The following SLC25A1 variants were observed in gnomAD, a reference collection of about 807,000 sequenced individuals.
The protein encoded by SLC25A1 is tricarboxylate transport protein, mitochondrial.
SLC25A1 carries 26 observed loss-of-function variants against 38.1 expected under a neutral mutation model. That is an observed-to-expected ratio of 0.68 (90% confidence interval 0.50 to 0.95). The LOEUF (loss-of-function observed/expected upper bound fraction) is 0.95, where lower values mean the gene tolerates loss of function less well. Among genes scored for constraint, SLC25A1 ranks in the 40% least tolerant of loss-of-function variants. The pLI, the probability that SLC25A1 is intolerant of heterozygous loss-of-function variation, is 0.00. For missense variants in SLC25A1, 378 were observed against 426.6 expected, an observed-to-expected ratio of 0.89 and a Z score of 1.00; for synonymous variants, 211 against 183.2, an observed-to-expected ratio of 1.15 and a Z score of -1.23.
At chr22:19,176,792 G>A (rs111313997) in intron 6 of SLC25A1, 54 bp downstream of exon 6, 13 of 1,601,498 alleles carry the variant, frequency 8.1e-6, no homozygotes, top group Non-Finnish European at 1.1e-5. Flanking sequence ...TGGCCCCAAG[G>A]AGAGGAGAGG....
At chr22:19,177,293 A>G in intron 4 of SLC25A1, 89 bp from the exon 5 acceptor site, 1 of 1,092,102 alleles carries the variant, frequency 9.2e-7, no homozygotes, top group Non-Finnish European at 1.4e-6. Context: ...TCCAGGGTGG[A>G]GGGAACTGGG....
In SLC25A1 at chr22:19,177,871, G is replaced by T. The variant is rs781828760; in HGVS notation, c.303-6C>A. The T allele has an allele frequency of 1.3e-6, 2 of 1,597,652 alleles. No individual in the cohort carries two copies. Among genetic ancestry groups the T allele is most frequent in the Non-Finnish European group, 8.5e-7 (1 of 1,173,322 alleles). On this transcript the variant is annotated splice_region_variant and splice_polypyrimidine_tract_variant and intron_variant, in intron 3 of 8. Transcript: ENST00000215882. Reference sequence around the variant, plus strand: ...GGAACTCGAACATTCCAAACCTGGAGGCGGGAGGCGGGTGAGAGGGGCTGC... The same window carrying T: ...GGAACTCGAACATTCCAAACCTGGATGCGGGAGGCGGGTGAGAGGGGCTGC...
Position 19,178,136 on chromosome 22 carries a change from T to C in SLC25A1, c.199A>G (p.Ile67Val), listed in dbSNP as rs1555923258. Residue 67 changes from isoleucine to valine, a missense_variant, in exon 2 of 9, where the codon ATC (isoleucine) becomes GTC (valine). Transcript: ENST00000215882. The surrounding 1 kb of genome is among the most constrained non-coding windows in gnomAD (Gnocchi z 4.9). ...ERSHPPRYRGIGDCVRQTVRS... is the reference protein window; with the variant it reads ...ERSHPPRYRGVGDCVRQTVRS... ...GCCGCGGCCTCCCCCTCCTCACCGA[T>C]GCCCCGGTACCGCGGCGGGTGCGAG... 18 of 1,543,714 alleles carry C rather than the reference T, an allele frequency of 1.2e-5. No homozygotes were observed. The highest frequency in any genetic ancestry group is 1.1e-5 in the Non-Finnish European group (13 of 1,144,534).
rs918927633 is a variant in SLC25A1, at chr22:19,178,458, C to G, written c.94+122G>C. ...GAGTCCCAGCGCGCCGGGTGGGGAC[C>G]AGGACCGCGCCTCCACGACTCCCCA... On this transcript the variant is annotated intron_variant, in intron 1 of 8. Transcript: ENST00000215882. The surrounding 1 kb of genome is among the most constrained non-coding windows in gnomAD (Gnocchi z 4.9). 5.2e-4 allele frequency: 708 copies of G among 1,357,762 alleles called. No homozygotes were observed. The highest frequency in any genetic ancestry group is 6.5e-4 in the Non-Finnish European group (692 of 1,061,262). The allele number at this position is 1,357,762 out of a possible 1,614,324, so 84.1% of individuals were successfully genotyped here.
In SLC25A1 at chr22:19,178,105, C is replaced by A; in HGVS notation, c.202+28G>T. Reference sequence around the variant, plus strand: ...GCCGCCGCCCTGGGTACCCGCCCCCCGCGGCGCCGCGGCCTCCCCCTCCTC... The same window carrying A: ...GCCGCCGCCCTGGGTACCCGCCCCCAGCGGCGCCGCGGCCTCCCCCTCCTC... On this transcript the variant is annotated intron_variant, in intron 2 of 8. Coordinates refer to ENST00000215882, the MANE Select transcript of SLC25A1 (RefSeq NM_005984.5). The surrounding 1 kb of genome is among the most constrained non-coding windows in gnomAD (Gnocchi z 4.9). 2 of 1,531,092 alleles carry A rather than the reference C, an allele frequency of 1.3e-6. No individual in the cohort carries two copies. The highest frequency in any genetic ancestry group is 1.2e-5 in the South Asian group (1 of 82,274). 94.8% of individuals were successfully genotyped at this position (1,531,092 alleles called of 1,614,324 possible).
intron 7 of SLC25A1, 33 bp downstream of exon 7, chr22:19,176,544 TC>T: frequency 6.2e-7 from 1 of 1,611,022 alleles, no homozygotes. Flanking sequence ...TCTGGCCTGG[TC>T]CCCCCTTCCC....
At chr22:19,177,236 G>A (rs143382974) in intron 4 of SLC25A1, 32 bp from the exon 5 acceptor site, 47 of 1,587,872 alleles carry the variant, frequency 3.0e-5, no homozygotes, top group Admixed American at 2.2e-4. Flanking sequence ...GCAGGTTCTC[G>A]GCTGCCACCT....
chr22:19,176,406 C>G lies in SLC25A1; in HGVS notation c.821+15G>C. On this transcript the variant is annotated intron_variant, in intron 8 of 8. Transcript: ENST00000215882. ...TTTGAGGTGGGGACAATAGCCCTGC[C>G]CCTCCCCCACTCACGCCTTGAGCCC... 8.1e-6 allele frequency: 13 copies of G among 1,611,810 alleles called. No individual in the cohort carries two copies. The highest frequency in any genetic ancestry group is 1.1e-5 in the Non-Finnish European group (13 of 1,178,462).
Position 19,177,128 on chromosome 22 carries a change from C to T in SLC25A1, c.518G>A (p.Arg173Gln), listed in dbSNP as rs781916373. Residue 173 changes from arginine to glutamine, a missense_variant, in exon 5 of 9, where the codon CGG (arginine) becomes CAG (glutamine). Physicochemically the swap from Arg to Gln is conservative, Grantham distance 43 (BLOSUM62 1). Transcript: ENST00000215882. ...GFFHGVREIV[R>Q]EQGLKGTYQG... ...AAGGTCGAGTGGCTCACCTTGTTCC[C>T]GCACAATCTCCCTAACCCCGTGGAA... The T allele has an allele frequency of 9.3e-6, 15 of 1,613,826 alleles. No individual in the cohort carries two copies. The highest frequency in any genetic ancestry group is 2.2e-5 in the East Asian group (1 of 44,880).
In SLC25A1 at chr22:19,177,719, T is replaced by C. The variant is rs1555922899; in HGVS notation, c.441+8A>G. On this transcript the variant is annotated splice_region_variant and intron_variant, in intron 4 of 8. Coordinates refer to ENST00000215882, the MANE Select transcript of SLC25A1 (RefSeq NM_005984.5). ...CGTGTCCGGGGTCCTCGCCAGGACC[T>C]TCCCCACCTTGATGGTCTCCATGGG... 1 of 1,606,386 alleles carries C rather than the reference T, an allele frequency of 6.2e-7. No individual in the cohort carries two copies. Among genetic ancestry groups the C allele is most frequent in the Admixed American group, 1.7e-5 (1 of 59,976 alleles).
rs1555923427 is a variant in SLC25A1 at position 19,178,337 on chromosome 22, CCAGTGCCGCGG to C, written c.95-108_95-98del. On this transcript the variant is annotated intron_variant, in intron 1 of 8. Coordinates refer to ENST00000215882, the MANE Select transcript of SLC25A1 (RefSeq NM_005984.5). The surrounding 1 kb of genome is among the most constrained non-coding windows in gnomAD (Gnocchi z 4.9). ...GACTTCGGTCGGCGCGGCCGCCGCG[CCAGTGCCGCGG>C]GGAACATAGGCTGGGGCCCCACGCC... The C allele has an allele frequency of 1.3e-6, 2 of 1,511,374 alleles. No homozygotes were observed. The highest frequency in any genetic ancestry group is 2.9e-5 in the African/African-American group (2 of 69,610). The allele number at this position is 1,511,374 out of a possible 1,614,324, so 93.6% of individuals were successfully genotyped here.
intron 6 of SLC25A1, 76 bp downstream of exon 6, chr22:19,176,770 G>C (rs1277937971): frequency 1.3e-6 from 2 of 1,593,268 alleles, no homozygotes; most frequent in Non-Finnish European, 1.7e-6. Context: ...GTGGGTGCCC[G>C]CCACCCAGGG....
intron 5 of SLC25A1, 77 bp from the exon 6 acceptor site, chr22:19,177,027 T>A: frequency 6.3e-7 from 1 of 1,581,450 alleles, no homozygotes; most frequent in African/African-American, 1.3e-5. Context: ...GGGGGGTGGG[T>A]GTTGCACAAA....
Position 19,177,720 on chromosome 22 carries a change from TC to T in SLC25A1, c.441+6del. 1 of 1,606,496 alleles carries T rather than the reference TC, an allele frequency of 6.2e-7. No individual in the cohort carries two copies. The highest frequency in any genetic ancestry group is 8.5e-7 in the Non-Finnish European group (1 of 1,179,396). Reference sequence around the variant, plus strand: ...GTGTCCGGGGTCCTCGCCAGGACCTTCCCCACCTTGATGGTCTCCATGGGGC... The same window carrying T: ...GTGTCCGGGGTCCTCGCCAGGACCTTCCCACCTTGATGGTCTCCATGGGGC... On this transcript the variant is annotated splice_donor_region_variant and intron_variant, in intron 4 of 8. Coordinates refer to ENST00000215882, the MANE Select transcript of SLC25A1 (RefSeq NM_005984.5).
chr22:19,178,027 GC>G lies in SLC25A1; in HGVS notation c.216del (p.Gln73ArgfsTer76). ...PRYRGIGDCV[R>X]QTVRSHGVLG... ...AGGACGCCATGGCTGCGAACCGTCTGCCGCACGCAGTCCCCTGGGGGAGGGG... is the reference window on the plus strand; with the variant it reads ...AGGACGCCATGGCTGCGAACCGTCTGCGCACGCAGTCCCCTGGGGGAGGGG... On this transcript the variant is annotated frameshift_variant, in exon 3 of 9. Coordinates refer to ENST00000215882, the MANE Select transcript of SLC25A1 (RefSeq NM_005984.5). LOFTEE classifies it high-confidence loss of function. The surrounding 1 kb of genome is among the most constrained non-coding windows in gnomAD (Gnocchi z 4.9). 1 of 1,594,126 alleles carries G rather than the reference GC, an allele frequency of 6.3e-7. No homozygotes were observed. Among genetic ancestry groups the G allele is most frequent in the Non-Finnish European group, 8.5e-7 (1 of 1,172,778 alleles).
intron 4 of SLC25A1, 75 bp from the exon 5 acceptor site, chr22:19,177,279 C>G (rs2083975815): frequency 7.9e-7 from 1 of 1,264,558 alleles, no homozygotes; most frequent in Non-Finnish European, 1.1e-6. Flanking sequence ...AGGCCCAGGG[C>G]CCATCCAGGG....
rs782181399 is a variant in SLC25A1 at position 19,176,954 on chromosome 22, C to T, written c.527-4G>A. ...CCCTGGTACGTCCCCTTCAGCCCTGCGGGAAGGCAGGCACGGGGTTACCCT... is the reference window on the plus strand; with the variant it reads ...CCCTGGTACGTCCCCTTCAGCCCTGTGGGAAGGCAGGCACGGGGTTACCCT... On this transcript the variant is annotated splice_polypyrimidine_tract_variant and splice_region_variant and intron_variant, in intron 5 of 8. Transcript: ENST00000215882. 6.2e-6 allele frequency: 10 copies of T among 1,613,210 alleles called. No homozygotes were observed. Among genetic ancestry groups the T allele is most frequent in the South Asian group, 3.3e-5 (3 of 91,082 alleles).
rs996599906 is a variant in SLC25A1 at position 19,175,861 on chromosome 22, G to A, written c.*269C>T. ...CCCGGGAGGCGGGGCACAGGGTCAC[G>A]TGACACAGAACATGAAACACAGGCA... On this transcript the variant is annotated 3_prime_UTR_variant, in exon 9 of 9. Transcript: ENST00000215882. The A allele has an allele frequency of 2.2e-4, 15 of 68,798 alleles. No individual in the cohort carries two copies. Among genetic ancestry groups the A allele is most frequent in the African/African-American group, 1.3e-3 (2 of 1,600 alleles). 4.3% of individuals were successfully genotyped at this position (68,798 alleles called of 1,614,324 possible). A position where few individuals can be genotyped will look rare whatever the true frequency, so the allele number is the denominator to read the frequency against.
intron 4 of SLC25A1, among the ~76,000 whole-genome samples, chr22:19,177,433 C>T (rs1240121944): frequency 3.9e-5 from 6 of 152,230 alleles, no homozygotes; most frequent in Non-Finnish European, 8.8e-5. Context: ...CAGCCTCTCC[C>T]TTTATGTTTG....
Sources: allele counts gnomAD v4.1 joint callset (sites outside exome capture counted in the v4.1 genomes callset), GRCh38; gene constraint gnomAD v4.1.1; non-coding constraint Gnocchi (gnomAD v3.1); transcripts MANE v1.5; gene names NCBI Gene and HGNC (gene_info 2026-07-23, HGNC 2026-07-21).